MYBPC3: variants seen among roughly 807,000 people sequenced by gnomAD.
MYBPC3 encodes the protein myosin-binding protein C, cardiac-type.
A neutral mutation model predicts 159.3 loss-of-function variants in MYBPC3; 108 were observed. The ratio of observed to expected loss-of-function variants is 0.68; its 90% CI spans 0.58 to 0.80. MYBPC3 has a LOEUF of 0.80. Among genes scored for constraint, MYBPC3 ranks in the 30% least tolerant of loss-of-function variants. MYBPC3 has a pLI of 0.00. For missense variants in MYBPC3, 1,631 were observed against 1,762.1 expected, an observed-to-expected ratio of 0.93 and a Z score of 1.33; for synonymous variants, 730 against 702.0, an observed-to-expected ratio of 1.04 and a Z score of -0.63.
At chr11:47,352,508 G>T in intron 1 of MYBPC3, 115 bp downstream of exon 1, 2 of 1,369,314 alleles carry the variant, frequency 1.5e-6, no homozygotes, top group Non-Finnish European at 2.0e-6. Context: ...CCTGTCCTGG[G>T]GCTCAGAGGC....
Position 47,338,829 on chromosome 11 carries a change from T to C in MYBPC3, c.2149-150A>G. ...CGTCAGCATCTAGTTCAAAATCATC[T>C]CTGTGGCACCGACTGAGGGCAGGGG... On this transcript the variant is annotated intron_variant, in intron 22 of 34. Transcript: ENST00000545968. This position sits in a 1 kb window ranked among gnomAD's most constrained non-coding sequence, Gnocchi z 4.7. 9.2e-7 allele frequency: 1 copy of C among 1,082,020 alleles called. No individual in the cohort carries two copies. Among genetic ancestry groups the C allele is most frequent in the Non-Finnish European group, 1.3e-6 (1 of 778,290 alleles). 67.0% of individuals were successfully genotyped at this position (1,082,020 alleles called of 1,614,324 possible). A position where few individuals can be genotyped will look rare whatever the true frequency, so the allele number is the denominator to read the frequency against.
chr11:47,349,632 C>T (rs2095898213), intron 5 of MYBPC3, 142 bp downstream of exon 5: 3 of 1,259,024 alleles, frequency 2.4e-6, no homozygotes, highest in South Asian at 3.1e-5. Flanking sequence ...CTGGCCCCTC[C>T]ACCTGCCTCC....
At chr11:47,341,701 G>GTCTC (rs910755781) in intron 18 of MYBPC3, among the ~76,000 whole-genome samples, 2 of 152,188 alleles carry the variant, frequency 1.3e-5, no homozygotes, top group Non-Finnish European at 2.9e-5. Flanking sequence ...CTGCCTCTTT[G>GTCTC]TCTCTGTCCC....
chr11:47,343,631 ACCACCCCTCAGCCCCGG>A lies in MYBPC3; in HGVS notation c.1091-24_1091-8del. ...TCCAGCTTCTTCTGAAAGGCTGAGC[ACCACCCCTCAGCCCCGG>A]CCACCCCACCGCCCGCACCCTGCTC... On this transcript the variant is annotated splice_region_variant and splice_polypyrimidine_tract_variant and intron_variant, in intron 12 of 34. Transcript: ENST00000545968. The A allele has an allele frequency of 6.2e-7, 1 of 1,606,052 alleles. No homozygotes were observed. Among genetic ancestry groups the A allele is most frequent in the South Asian group, 1.1e-5 (1 of 90,250 alleles).
At chr11:47,337,834 C>G in intron 23 of MYBPC3, 40 bp from the exon 24 acceptor site, 1 of 1,518,366 alleles carries the variant, frequency 6.6e-7, no homozygotes, top group Non-Finnish European at 8.9e-7. Flanking sequence ...CCCTGCCCCG[C>G]TCAGGGCCTT....
chr11:47,333,322 G>A lies in MYBPC3; in HGVS notation c.3202C>T (p.Pro1068Ser), dbSNP rs2095879147. The change falls in exon 30 of 35, where the codon CCT becomes TCT. Residue 1068 changes from proline to serine, a missense_variant. Physicochemically the swap from Pro to Ser is moderately conservative, Grantham distance 74. Coordinates refer to ENST00000545968, the MANE Select transcript of MYBPC3 (RefSeq NM_000256.3). ...LVLQVVDKPS[P>S]PQDLRVTDAW... ...TCAGTCACCCGGAGATCCTGGGGAG[G>A]ACTTGGCTTGTCTGCGGGAGACAGA... 6.3e-7 allele frequency: 1 copy of A among 1,579,180 alleles called. No individual in the cohort carries two copies.
intron 10 of MYBPC3, 26 bp downstream of exon 10, chr11:47,347,001 C>A (rs763721435): frequency 2.6e-6 from 2 of 779,138 alleles, no homozygotes; most frequent in South Asian, 2.7e-5. Context: ...CCTGCCGCCC[C>A]CAAACACCCA....
chr11:47,339,831 A>G (rs998471852), intron 20 of MYBPC3, 41 bp from the exon 21 acceptor site: 3 of 1,601,924 alleles, frequency 1.9e-6, no homozygotes, highest in African/African-American at 2.7e-5. Context: ...CGGGAGAGCC[A>G]GGAGGAGCAC....
Position 47,346,089 on chromosome 11 carries a change from G to A in MYBPC3, c.1090+118C>T. On this transcript the variant is annotated intron_variant, in intron 12 of 34. Transcript: ENST00000545968. This position sits in a 1 kb window ranked among gnomAD's most constrained non-coding sequence, Gnocchi z 5.3. The stretch of plus-strand genomic sequence containing the variant: ...TTCCATGTATGTGGACGAGGTGGGG[G>A]GCTAACCTGTGCCCTCTCCTCTCCC... 1 of 1,392,762 alleles carries A rather than the reference G, an allele frequency of 7.2e-7. No individual in the cohort carries two copies. Among genetic ancestry groups the A allele is most frequent in the Non-Finnish European group, 9.7e-7 (1 of 1,027,754 alleles). 86.3% of individuals were successfully genotyped at this position (1,392,762 alleles called of 1,614,324 possible).
Position 47,337,469 on chromosome 11 carries a change from A to G in MYBPC3, c.2524T>C (p.Tyr842His), listed in dbSNP as rs2095883482. ...EARRMIEGVV[Y>H]EMRVYAVNAI... ...TTGACCGCGTAGACGCGCATCTCGTACACCACGCCCTCGATCATGCGCCGC... is the reference window on the plus strand; with the variant it reads ...TTGACCGCGTAGACGCGCATCTCGTGCACCACGCCCTCGATCATGCGCCGC... Residue 842 changes from tyrosine to histidine, a missense_variant, in exon 25 of 35, where the codon TAC becomes CAC. Coordinates refer to ENST00000545968, the MANE Select transcript of MYBPC3 (RefSeq NM_000256.3). 6.2e-7 allele frequency: 1 copy of G among 1,613,752 alleles called. No homozygotes were observed. The highest frequency in any genetic ancestry group is 1.3e-5 in the African/African-American group (1 of 74,936).
chr11:47,337,752 C>G lies in MYBPC3; in HGVS notation c.2351G>C (p.Gly784Ala), dbSNP rs931275955. The G allele has an allele frequency of 6.4e-7, 1 of 1,556,566 alleles. No homozygotes were observed. Among genetic ancestry groups the G allele is most frequent in the Admixed American group, 1.9e-5 (1 of 51,532 alleles). ...APAAPKISNV[G>A]EDSCTVQWEP... is the part of the protein sequence containing the mutation. ...CCACTGTACTGTGCAGGAGTCCTCTCCCACGTTGCTGATCTTGGGGGCCGC... is the reference window on the plus strand; with the variant it reads ...CCACTGTACTGTGCAGGAGTCCTCTGCCACGTTGCTGATCTTGGGGGCCGC... Residue 784 changes from glycine to alanine, a missense_variant, in exon 24 of 35, where the codon GGA becomes GCA. Physicochemically the swap from Gly to Ala is moderately conservative, Grantham distance 60 (BLOSUM62 0). Coordinates refer to ENST00000545968, the MANE Select transcript of MYBPC3 (RefSeq NM_000256.3).
Position 47,341,999 on chromosome 11 carries a change from G to T in MYBPC3, c.1782C>A (p.His594Gln). 6.4e-7 allele frequency: 1 copy of T among 1,567,228 alleles called. No homozygotes were observed. The highest frequency in any genetic ancestry group is 1.2e-5 in the South Asian group (1 of 85,620). ...CTGCCCTGCACACTCACCGCCCGATGTGGGACACCTTTATGCGGCTGTCGG... is the reference window on the plus strand; with the variant it reads ...CTGCCCTGCACACTCACCGCCCGATTTGGGACACCTTTATGCGGCTGTCGG... Reference protein sequence around the residue: ...LVPDSRIKVSHIGRVHKLTID... With the variant: ...LVPDSRIKVSQIGRVHKLTID... The change falls in exon 18 of 35, where the codon CAC becomes CAA. Residue 594 changes from histidine to glutamine, a missense_variant. Coordinates refer to ENST00000545968, the MANE Select transcript of MYBPC3 (RefSeq NM_000256.3).
At chr11:47,341,112 C>T in intron 19 of MYBPC3, 26 bp downstream of exon 19, 1 of 1,570,388 alleles carries the variant, frequency 6.4e-7, no homozygotes, top group African/African-American at 1.4e-5. Context: ...ACTGCCCCGA[C>T]CCACCCTACC....
At position 47,333,731 on chromosome 11, in the gene MYBPC3, T is replaced by G; in HGVS notation, c.3016A>C (p.Thr1006Pro). The change falls in exon 29 of 35, where the codon ACC becomes CCC. Residue 1006 changes from threonine to proline, a missense_variant. Thr to Pro is a conservative substitution (Grantham distance 38). Transcript: ENST00000545968. ...PFQGKPRPQV[T>P]WTKEGQPLAG... ...AGGGGCTGCCCCTCTTTGGTCCAGG[T>G]CACCTGAGGCCGGGGCTTGCCCTGA... 1.2e-6 allele frequency: 2 copies of G among 1,604,974 alleles called. No individual in the cohort carries two copies. The highest frequency in any genetic ancestry group is 1.7e-6 in the Non-Finnish European group (2 of 1,176,216).
At position 47,337,374 on chromosome 11, in the gene MYBPC3, AG is replaced by A. The variant is rs1355333032; in HGVS notation, c.2602+16del. 6.4e-7 allele frequency: 1 copy of A among 1,560,780 alleles called. No homozygotes were observed. Among genetic ancestry groups the A allele is most frequent in the African/African-American group, 1.3e-5 (1 of 74,228 alleles). On this transcript the variant is annotated intron_variant, in intron 25 of 34. Coordinates refer to ENST00000545968, the MANE Select transcript of MYBPC3 (RefSeq NM_000256.3). ...TGGGGAGGGGGCGGGGGGCAGGACC[AG>A]GCCAGGCAGGCTCACCGATAGGCAT...
rs1239255991 is a variant in MYBPC3 at position 47,347,466 on chromosome 11, C to T, written c.865G>A (p.Asp289Asn). The T allele has an allele frequency of 6.3e-7, 1 of 1,596,708 alleles. No homozygotes were observed. Among genetic ancestry groups the T allele is most frequent in the East Asian group, 2.3e-5 (1 of 44,246 alleles). ...GAGCTGAAGTCCAGAATCCCAGTGT[C>T]CTCATGGCTATCACTATGGAGAGGG... The part of the protein sequence containing the change: ...GGRRISDSHE[D>N]TGILDFSSLL... The change falls in exon 9 of 35, where the codon GAC (aspartate) becomes AAC (asparagine). Residue 289 changes from aspartate to asparagine, a missense_variant. Coordinates refer to ENST00000545968, the MANE Select transcript of MYBPC3 (RefSeq NM_000256.3).
In MYBPC3 at chr11:47,339,303, C is replaced by T. The variant is rs72903836; in HGVS notation, c.2148+21G>A. 576 of 1,613,096 alleles carry T rather than the reference C, an allele frequency of 3.6e-4. No individual in the cohort carries two copies. Among genetic ancestry groups the T allele is most frequent in the Non-Finnish European group, 4.5e-4 (525 of 1,179,054 alleles). On this transcript the variant is annotated intron_variant, in intron 22 of 34. Transcript: ENST00000545968. ...GTGATGAAAGACAAACGAGCCTCCT[C>T]CTGACCTCAGTCTCACTCACCTTCT...
At position 47,331,460 on chromosome 11, in the gene MYBPC3, A is replaced by T. The variant is rs1185131445; in HGVS notation, c.*283T>A. On this transcript the variant is annotated 3_prime_UTR_variant, in exon 35 of 35. Transcript: ENST00000545968. ...ATTGCCCAATAAACATTGGGAAGAC[A>T]TAGCAGGCCAGAAAGGCCTGTCCCC... The T allele has an allele frequency of 5.5e-6, 1 of 183,186 alleles. No individual in the cohort carries two copies. The highest frequency in any genetic ancestry group is 1.1e-5 in the Non-Finnish European group (1 of 88,622). The allele number at this position is 183,186 out of a possible 1,614,324, so 11.3% of individuals were successfully genotyped here.
chr11:47,335,616 C>T (rs1442491837), intron 26 of MYBPC3: 10 of 376,988 alleles, frequency 2.7e-5, no homozygotes, highest in African/African-American at 8.4e-5. Context: ...CGTAAGCCAT[C>T]GCGCCTGGCC....
Sources: allele counts gnomAD v4.1 joint callset (sites outside exome capture counted in the v4.1 genomes callset), GRCh38; gene constraint gnomAD v4.1.1; non-coding constraint Gnocchi (gnomAD v3.1); transcripts MANE v1.5; gene names NCBI Gene and HGNC (gene_info 2026-07-23, HGNC 2026-07-21).